TBC1D1: variants seen among roughly 807,000 people sequenced by gnomAD.
TBC1D1 encodes TBC1 domain family member 1, also known as TBC1 (tre-2/USP6, BUB2, cdc16) domain family, member 1.
Under a neutral mutation model 125.6 loss-of-function variants are expected in TBC1D1, and 89 were observed. The ratio of observed to expected loss-of-function variants is 0.71; its 90% CI spans 0.60 to 0.85. The LOEUF is 0.85. Ranked by LOEUF, TBC1D1 falls within the 40% of genes least tolerant of loss-of-function variation. The pLI is 0.00. For missense variants in TBC1D1, 1,377 were observed against 1,469.2 expected (o/e 0.94, Z 1.03); for synonymous variants, 565 against 564.1 (o/e 1.00, Z -0.02).
intron 2 of TBC1D1, among the ~76,000 whole-genome samples, chr4:37,910,426 G>GT (rs1718336950): frequency 6.6e-6 from 1 of 152,050 alleles, no homozygotes. Context: ...AATCTCAATA[G>GT]TTTTTTTATA....
intron 17 of TBC1D1, chr4:38,118,418 TG>T (rs1173193311): frequency 3.5e-6 from 2 of 563,592 alleles, no homozygotes; most frequent in Non-Finnish European, 6.3e-6. Flanking sequence ...TTGTGGGATG[TG>T]GATCCGATCC....
intron 14 of TBC1D1, among the ~76,000 whole-genome samples, chr4:38,101,305 G>C (rs913087115): frequency 3.9e-5 from 6 of 152,178 alleles, no homozygotes; most frequent in African/African-American, 1.4e-4. Context: ...GCCTAACTTG[G>C]AGGCTTCCTT....
At chr4:38,060,742 T>C in intron 12 of TBC1D1, 1 of 908,524 alleles carries the variant, frequency 1.1e-6, no homozygotes, top group Admixed American at 2.6e-5. Context: ...GATCATGGTT[T>C]AGAGCGGTGT....
chr4:37,902,023 T>G lies in TBC1D1; in HGVS notation c.-73T>G. 1 of 1,466,524 alleles carries G rather than the reference T, an allele frequency of 6.8e-7. No homozygotes were observed. Among genetic ancestry groups the G allele is most frequent in the Non-Finnish European group, 9.2e-7 (1 of 1,087,686 alleles). 90.8% of individuals were successfully genotyped at this position (1,466,524 alleles called of 1,614,324 possible). ...CCCAGGTTTCTGCATATGAAGTGTGTAAAATAGATTGCTTGATCCAAAACA... is the reference window on the plus strand; with the variant it reads ...CCCAGGTTTCTGCATATGAAGTGTGGAAAATAGATTGCTTGATCCAAAACA... On this transcript the variant is annotated 5_prime_UTR_variant, in exon 2 of 20. Coordinates refer to ENST00000261439, the MANE Select transcript of TBC1D1 (RefSeq NM_015173.4).
chr4:38,088,034 A>G (rs532016530), intron 12 of TBC1D1, among the ~76,000 whole-genome samples: 2 of 151,300 alleles, frequency 1.3e-5, no homozygotes, highest in African/African-American at 2.4e-5. Context: ...AGAACACATC[A>G]TAGGAATTGC....
Position 38,014,574 on chromosome 4 carries a change from C to A in TBC1D1, c.483C>A (p.Cys161Ter). The stretch of plus-strand genomic sequence containing the variant: ...TCGCCCGGCAGGAGGAGCTGCACTG[C>A]CCGTCCGAGTTCGACGACACGTTTT... The change falls in exon 3 of 20, where the codon TGC (cysteine) becomes TGA (stop). Residue 161 changes from cysteine (C) to a stop codon, truncating the protein, a stop_gained. Transcript: ENST00000261439. LOFTEE classifies it high-confidence loss of function. This position sits in a 1 kb window ranked among gnomAD's most constrained non-coding sequence, Gnocchi z 5.1. The A allele has an allele frequency of 6.2e-7, 1 of 1,613,390 alleles. No individual in the cohort carries two copies. Among genetic ancestry groups the A allele is most frequent in the Non-Finnish European group, 8.5e-7 (1 of 1,180,038 alleles).
At position 37,902,274 on chromosome 4, in the gene TBC1D1, T is replaced by A; in HGVS notation, c.179T>A (p.Val60Glu). The stretch of plus-strand genomic sequence containing the variant: ...AGGCAGTCCACCAGAAAGGAACCTG[T>A]AACCAAGCAAGTCCGGCTTTGCGTT... Residue 60 changes from valine (V) to glutamate (E), a missense_variant, in exon 2 of 20, where the codon GTA (valine) becomes GAA (glutamate). Around this residue, in one of 3 missense-constraint regions of TBC1D1, gnomAD observed 822 missense variants for 824.6 expected, o/e 1.00. Coordinates refer to ENST00000261439, the MANE Select transcript of TBC1D1 (RefSeq NM_015173.4). The A allele has an allele frequency of 6.2e-7, 1 of 1,614,126 alleles. No individual in the cohort carries two copies. Among genetic ancestry groups the A allele is most frequent in the South Asian group, 1.1e-5 (1 of 91,080 alleles).
At chr4:37,919,334 G>GTT (rs1303255477) in intron 2 of TBC1D1, among the ~76,000 whole-genome samples, 1 of 130,742 alleles carries the variant, frequency 7.6e-6, no homozygotes, top group Non-Finnish European at 1.7e-5. Flanking sequence ...TAGCTGGTTT[G>GTT]TTTTTGTTTT....
At chr4:37,952,417 G>A (rs1415783210) in intron 2 of TBC1D1, 4 of 297,092 alleles carry the variant, frequency 1.3e-5, no homozygotes, top group Non-Finnish European at 2.0e-5. Flanking sequence ...AGAAAATGTG[G>A]TACATACACA....
intron 2 of TBC1D1, among the ~76,000 whole-genome samples, chr4:37,959,597 G>A (rs959427374): frequency 3.3e-5 from 5 of 152,148 alleles, no homozygotes; most frequent in Non-Finnish European, 7.3e-5. Context: ...AAATACGTAC[G>A]CACATATGTC....
intron 1 of TBC1D1, among the ~76,000 whole-genome samples, chr4:37,894,271 G>A (rs950276555): frequency 2.0e-5 from 3 of 152,182 alleles, no homozygotes; most frequent in Non-Finnish European, 4.4e-5. Flanking sequence ...ACAGGTGTGA[G>A]CCACGGCGCC....
At chr4:37,994,353 A>T (rs1377030136) in intron 2 of TBC1D1, among the ~76,000 whole-genome samples, 1 of 152,196 alleles carries the variant, frequency 6.6e-6, no homozygotes, top group Admixed American at 6.5e-5. Context: ...GCAGTGGCAC[A>T]GTCTTGGCTC....
intron 3 of TBC1D1, among the ~76,000 whole-genome samples, chr4:38,015,348 A>G (rs1343289204): frequency 1.3e-5 from 2 of 152,102 alleles, no homozygotes; most frequent in African/African-American, 4.8e-5. Context: ...TACTATTAAT[A>G]TTTTTATTTA....
chr4:37,990,001 A>G (rs1736226985), intron 2 of TBC1D1, among the ~76,000 whole-genome samples: 1 of 152,216 alleles, frequency 6.6e-6, no homozygotes, highest in Non-Finnish European at 1.5e-5. Flanking sequence ...AGCAGAATTT[A>G]TAATTGTAGG....
At chr4:38,015,428 C>T (rs1467832163) in intron 3 of TBC1D1, among the ~76,000 whole-genome samples, 1 of 151,312 alleles carries the variant, frequency 6.6e-6, no homozygotes, top group Non-Finnish European at 1.5e-5. Flanking sequence ...AATTTATACC[C>T]AAACTGAAAT....
At chr4:38,102,118 A>G (rs1406877426) in intron 14 of TBC1D1, among the ~76,000 whole-genome samples, 1 of 149,668 alleles carries the variant, frequency 6.7e-6, no homozygotes, top group East Asian at 2.0e-4. Context: ...GGGGAGGGAT[A>G]GCATTAGGAG....
chr4:38,060,313 A>G (rs780589172), intron 12 of TBC1D1, among the ~76,000 whole-genome samples: 2 of 152,196 alleles, frequency 1.3e-5, no homozygotes, highest in Admixed American at 6.5e-5. Flanking sequence ...CATCTTCTAC[A>G]ATGTTTGAAC....
At chr4:38,128,235 AAGT>A (rs1459555466) in intron 18 of TBC1D1, among the ~76,000 whole-genome samples, 1 of 152,018 alleles carries the variant, frequency 6.6e-6, no homozygotes, top group Non-Finnish European at 1.5e-5. Context: ...TCCTTATAGA[AAGT>A]AGATCTACCC....
chr4:38,058,733 C>T (rs541319590), intron 12 of TBC1D1, among the ~76,000 whole-genome samples: 63 of 152,174 alleles, frequency 4.1e-4, no homozygotes, highest in Non-Finnish European at 5.9e-5. Flanking sequence ...TTGGAAGATA[C>T]TAGTAAAACA....
Sources: allele counts gnomAD v4.1 joint callset (sites outside exome capture counted in the v4.1 genomes callset), GRCh38; gene constraint gnomAD v4.1.1; regional missense constraint gnomAD v4.1.1; non-coding constraint Gnocchi (gnomAD v3.1); transcripts MANE v1.5; gene names NCBI Gene and HGNC (gene_info 2026-07-23, HGNC 2026-07-21).